The following ZNF224 variants were observed in gnomAD, a reference collection of about 807,000 sequenced individuals.
The protein encoded by ZNF224 is zinc finger protein 224, also known as bone marrow zinc finger 2.
ZNF224 carries 8 observed loss-of-function variants against 10.5 expected under a neutral mutation model. The ratio of observed to expected loss-of-function variants is 0.76; its 90% CI spans 0.45 to 1.37. ZNF224 has a LOEUF of 1.37. Ranked by LOEUF, ZNF224 falls within the 40% of genes most tolerant of loss-of-function variation. ZNF224 has a pLI of 0.00. For missense variants in ZNF224, 754 were observed against 854.0 expected (o/e 0.88, Z 1.46); for synonymous variants, 282 against 287.8 (o/e 0.98, Z 0.20).
Position 44,107,360 on chromosome 19 carries a change from C to T in ZNF224, c.1200C>T (p.Phe400=), listed in dbSNP as rs143646781. 6.3e-7 allele frequency: 1 copy of T among 1,596,314 alleles called. No homozygotes were observed. ...HQRVHSGEKP[F]KCEECGKGFY... ...GAGTCCACAGTGGAGAAAAACCATT[C>T]AAATGTGAAGAATGTGGGAAAGGAT... The change falls in exon 6 of 6, where the codon TTC becomes TTT. Residue 400 remains phenylalanine, a synonymous_variant. Transcript: ENST00000693561.
chr19:44,100,862 A>G lies in ZNF224; in HGVS notation c.77A>G (p.Asp26Gly), dbSNP rs1599661775. 6.2e-7 allele frequency: 1 copy of G among 1,614,100 alleles called. No homozygotes were observed. The highest frequency in any genetic ancestry group is 1.3e-5 in the African/African-American group (1 of 75,022). ...VFTEEELGLLDLAQRKLYRDV... is the reference protein window; with the variant it reads ...VFTEEELGLLGLAQRKLYRDV... ...ACTGAGGAAGAGCTGGGGCTGCTGG[A>G]CCTTGCTCAGAGGAAGCTGTATCGA... The change falls in exon 4 of 6, where the codon GAC becomes GGC. Residue 26 changes from aspartate (D) to glycine (G), a missense_variant. Asp to Gly is a moderately conservative substitution (Grantham distance 94). Transcript: ENST00000693561.
chr19:44,095,155 C>A, intron 1 of ZNF224: 1 of 238,948 alleles, frequency 4.2e-6, no homozygotes, highest in South Asian at 7.2e-5. Context: ...GGGCAAAGCT[C>A]TACGTGAGTG....
Position 44,108,267 on chromosome 19 carries a change from G to A in ZNF224, c.2107G>A (p.Val703Ile). The part of the protein sequence containing the change: ...SSLRLHQNVH[V>I]GEKP Reference sequence around the variant, plus strand: ...CCTTCGACTTCATCAGAATGTTCATGTTGGAGAAAAACCTTAGTGATGTGA... The same window carrying A: ...CCTTCGACTTCATCAGAATGTTCATATTGGAGAAAAACCTTAGTGATGTGA... The change falls in exon 6 of 6, where the codon GTT becomes ATT. Residue 703 changes from valine (V) to isoleucine (I), a missense_variant. By Grantham distance (29) the Val-to-Ile change is conservative (BLOSUM62 3). Coordinates refer to ENST00000693561, the MANE Select transcript of ZNF224 (RefSeq NM_001321645.3). The A allele has an allele frequency of 6.2e-7, 1 of 1,609,842 alleles. No homozygotes were observed. Among genetic ancestry groups the A allele is most frequent in the Non-Finnish European group, 8.5e-7 (1 of 1,177,870 alleles).
Position 44,106,798 on chromosome 19 carries a change from T to C in ZNF224, c.638T>C (p.Phe213Ser), listed in dbSNP as rs1378184024. The C allele has an allele frequency of 6.2e-7, 1 of 1,613,788 alleles. No homozygotes were observed. Among genetic ancestry groups the C allele is most frequent in the East Asian group, 2.2e-5 (1 of 44,890 alleles). Residue 213 changes from phenylalanine to serine, a missense_variant, in exon 6 of 6, where the codon TTC (phenylalanine) becomes TCC (serine). Phe to Ser is a radical substitution (Grantham distance 155, BLOSUM62 -2). Coordinates refer to ENST00000693561, the MANE Select transcript of ZNF224 (RefSeq NM_001321645.3). ...AAGTGTGACGTGTGTGGTAAGGAATTCAGTCAGAGTTCACATCTGCAAACT... is the reference window on the plus strand; with the variant it reads ...AAGTGTGACGTGTGTGGTAAGGAATCCAGTCAGAGTTCACATCTGCAAACT... ...CYKCDVCGKE[F>S]SQSSHLQTHQ...
At chr19:44,102,337 TTATC>T (rs1368217260) in intron 5 of ZNF224, among the ~76,000 whole-genome samples, 2 of 152,234 alleles carry the variant, frequency 1.3e-5, no homozygotes, top group Non-Finnish European at 2.9e-5. Context: ...ATACTTCTGT[TTATC>T]TGTCACTTCT....
In ZNF224 at chr19:44,108,117, A is replaced by T; in HGVS notation, c.1957A>T (p.Lys653Ter). ...AGTTCACAGTGTAGAAAAGCCATAC[A>T]AATGTGAGGACTGTGGGAAGGGCTA... ...EKVHSVEKPYKCEDCGKGYNR... is the reference protein window; with the variant it reads ...EKVHSVEKPY Residue 653 changes from lysine (K) to a stop codon, truncating the protein, a stop_gained, in exon 6 of 6, where the codon AAA becomes TAA. Coordinates refer to ENST00000693561, the MANE Select transcript of ZNF224 (RefSeq NM_001321645.3). LOFTEE classifies it low-confidence loss of function (END_TRUNC). 6.2e-7 allele frequency: 1 copy of T among 1,614,212 alleles called. No homozygotes were observed. Among genetic ancestry groups the T allele is most frequent in the South Asian group, 1.1e-5 (1 of 91,082 alleles).
In ZNF224 at chr19:44,108,889, A is replaced by G. The variant is rs1293949685; in HGVS notation, c.*605A>G. ...AATGCAGAGTAAACTCAGTACTGCAATCCATAGCAATATTTTGCATATTAT... is the reference window on the plus strand; with the variant it reads ...AATGCAGAGTAAACTCAGTACTGCAGTCCATAGCAATATTTTGCATATTAT... On this transcript the variant is annotated 3_prime_UTR_variant, in exon 6 of 6. Coordinates refer to ENST00000693561, the MANE Select transcript of ZNF224 (RefSeq NM_001321645.3). 1 of 240,608 alleles carries G rather than the reference A, an allele frequency of 4.2e-6. No individual in the cohort carries two copies. Among genetic ancestry groups the G allele is most frequent in the African/African-American group, 2.3e-5 (1 of 43,602 alleles). The allele number at this position is 240,608 out of a possible 1,614,324, so 14.9% of individuals were successfully genotyped here.
intron 5 of ZNF224, among the ~76,000 whole-genome samples, chr19:44,102,612 C>T (rs368028704): frequency 3.5e-4 from 53 of 152,220 alleles, no homozygotes; most frequent in South Asian, 1.7e-3. Flanking sequence ...TCTTAGATTC[C>T]GTTATTTGAT....
At position 44,108,302 on chromosome 19, in the gene ZNF224, A is replaced by G; in HGVS notation, c.*18A>G. The stretch of plus-strand genomic sequence containing the variant: ...AACCTTAGTGATGTGATGGTGCAAT[A>G]AAGTCTTCACTCAGTCTTCATGAAT... On this transcript the variant is annotated 3_prime_UTR_variant, in exon 6 of 6. Transcript: ENST00000693561. The G allele has an allele frequency of 1.3e-6, 2 of 1,588,080 alleles. No individual in the cohort carries two copies. The highest frequency in any genetic ancestry group is 1.7e-6 in the Non-Finnish European group (2 of 1,167,514).
chr19:44,095,104 C>G, intron 1 of ZNF224: 1 of 229,994 alleles, frequency 4.3e-6, no homozygotes, highest in South Asian at 7.4e-5. Context: ...CCAACCCGAC[C>G]TTTCCAGAAG....
intron 4 of ZNF224, 85 bp from the exon 5 acceptor site, chr19:44,101,048 G>A: frequency 6.2e-7 from 1 of 1,610,356 alleles, no homozygotes; most frequent in South Asian, 1.1e-5. Context: ...TGAGTGTGCA[G>A]TAAGAACCTA....
intron 3 of ZNF224, among the ~76,000 whole-genome samples, chr19:44,100,569 T>G (rs761525973): frequency 6.6e-6 from 1 of 152,166 alleles, no homozygotes; most frequent in African/African-American, 2.4e-5. Flanking sequence ...GACTCAATGA[T>G]TGCACGAAGT....
Position 44,107,953 on chromosome 19 carries a change from G to C in ZNF224, c.1793G>C (p.Cys598Ser). The C allele has an allele frequency of 1.2e-6, 2 of 1,614,258 alleles. No individual in the cohort carries two copies. The highest frequency in any genetic ancestry group is 1.7e-6 in the Non-Finnish European group (2 of 1,180,042). The change falls in exon 6 of 6, where the codon TGT becomes TCT. Residue 598 changes from cysteine to serine, a missense_variant. Physicochemically the swap from Cys to Ser is moderately radical, Grantham distance 112. Transcript: ENST00000693561. Reference protein sequence around the residue: ...RVHTGEKPYKCDECGKGFSWS... With the variant: ...RVHTGEKPYKSDECGKGFSWS... ...CACACTGGAGAAAAGCCATACAAAT[G>C]TGATGAGTGTGGGAAGGGCTTCAGC... is the stretch of plus-strand genomic sequence containing the variant.
rs1189305566 is a variant in ZNF224 at position 44,107,235 on chromosome 19, C to T, written c.1075C>T (p.Leu359Phe). 5.0e-6 allele frequency: 8 copies of T among 1,598,244 alleles called. No individual in the cohort carries two copies. Among genetic ancestry groups the T allele is most frequent in the Non-Finnish European group, 6.8e-6 (8 of 1,171,592 alleles). Residue 359 changes from leucine to phenylalanine, a missense_variant, in exon 6 of 6, where the codon CTT (leucine) becomes TTT (phenylalanine). Coordinates refer to ENST00000693561, the MANE Select transcript of ZNF224 (RefSeq NM_001321645.3). ...AAAAGGCTTTATTTGTAGGCGAGAT[C>T]TTTATACGCATCATATGGTCCACAC... The part of the protein sequence containing the change: ...CGKGFICRRD[L>F]YTHHMVHTGE...
At chr19:44,099,938 G>T (rs1399906124) in intron 3 of ZNF224, among the ~76,000 whole-genome samples, 1 of 151,980 alleles carries the variant, frequency 6.6e-6, no homozygotes, top group Non-Finnish European at 1.5e-5. Flanking sequence ...TTCTTTATTG[G>T]ATTGGTAATC....
rs1474555374 is a variant in ZNF224, at chr19:44,107,690, GC to G, written c.1532del (p.Pro511HisfsTer46). The G allele has an allele frequency of 3.7e-6, 6 of 1,613,586 alleles. No individual in the cohort carries two copies. Among genetic ancestry groups the G allele is most frequent in the African/African-American group, 1.3e-5 (1 of 74,734 alleles). On this transcript the variant is annotated frameshift_variant, in exon 6 of 6. Coordinates refer to ENST00000693561, the MANE Select transcript of ZNF224 (RefSeq NM_001321645.3). LOFTEE classifies it low-confidence loss of function (END_TRUNC). ...SHQRVHTGEK[P>X]YKCEKCGKGY... The stretch of plus-strand genomic sequence containing the variant: ...ATCAGAGAGTTCACACTGGAGAAAA[GC>G]CATACAAATGTGAGAAGTGTGGAAA...
intron 3 of ZNF224, among the ~76,000 whole-genome samples, chr19:44,099,711 AC>A (rs1967509587): frequency 6.6e-6 from 1 of 151,830 alleles, no homozygotes; most frequent in South Asian, 2.1e-4. Flanking sequence ...AAAGAAAAAA[AC>A]AATTTCTTCC....
At chr19:44,098,556 A>T (rs139737393) in intron 3 of ZNF224, among the ~76,000 whole-genome samples, 198 of 152,084 alleles carry the variant, frequency 1.3e-3, no homozygotes, top group African/African-American at 4.4e-3. Context: ...TTTATATACT[A>T]AGGAATTTGA....
chr19:44,107,162 T>C lies in ZNF224; in HGVS notation c.1002T>C (p.His334=). ...SFRQRSALNS[H]RMIHTGEKPY... is the part of the protein sequence containing the mutation. Reference sequence around the variant, plus strand: ...GTCAGAGATCAGCACTTAATAGTCATCGCATGATCCACACAGGAGAGAAAC... The same window carrying C: ...GTCAGAGATCAGCACTTAATAGTCACCGCATGATCCACACAGGAGAGAAAC... Residue 334 remains histidine (H), a synonymous_variant, in exon 6 of 6, where the codon CAT becomes CAC. Transcript: ENST00000693561. 5.6e-6 allele frequency: 9 copies of C among 1,607,176 alleles called. No homozygotes were observed. Among genetic ancestry groups the C allele is most frequent in the Non-Finnish European group, 6.8e-6 (8 of 1,176,506 alleles).
Sources: allele counts gnomAD v4.1 joint callset (sites outside exome capture counted in the v4.1 genomes callset), GRCh38; gene constraint gnomAD v4.1.1; transcripts MANE v1.5; gene names NCBI Gene and HGNC (gene_info 2026-07-23, HGNC 2026-07-21).